The following KCNJ6 variants were observed in gnomAD, a reference collection of about 807,000 sequenced individuals.
KCNJ6 encodes the protein G protein-activated inward rectifier potassium channel 2.
A neutral mutation model predicts 34.2 loss-of-function variants in KCNJ6; 9 were observed. That is an observed-to-expected ratio of 0.26 (90% CI 0.16 to 0.46). The LOEUF is 0.46. Among genes scored for constraint, KCNJ6 ranks in the 20% least tolerant of loss-of-function variants. The probability of loss-of-function intolerance (pLI) is 1.00; values close to 1 mark genes in which losing one functional copy is unlikely to be tolerated. For synonymous variants in KCNJ6, 196 were observed against 207.1 expected, an observed-to-expected ratio of 0.95 and a Z score of 0.46; for missense variants, 236 against 531.3, an observed-to-expected ratio of 0.44 and a Z score of 5.46.
chr21:37,833,311 G>A (rs113681774), intron 2 of KCNJ6, among the ~76,000 whole-genome samples: 4,813 of 152,238 alleles, frequency 0.032, 260 homozygotes, highest in African/African-American at 0.11. Flanking sequence ...CACTGCACCC[G>A]GCTGACTTCT....
At chr21:37,639,212 C>G (rs2054370707) in intron 3 of KCNJ6, among the ~76,000 whole-genome samples, 1 of 152,200 alleles carries the variant, frequency 6.6e-6, no homozygotes, top group South Asian at 2.1e-4. Flanking sequence ...TAAAACCCAC[C>G]CTCCTTTGAT....
intron 1 of KCNJ6, among the ~76,000 whole-genome samples, chr21:37,865,320 A>C (rs1037344950): frequency 7.2e-5 from 11 of 152,242 alleles, no homozygotes; most frequent in African/African-American, 2.4e-4. Context: ...TATACAGAAA[A>C]AAAGTGGAGG....
intron 3 of KCNJ6, among the ~76,000 whole-genome samples, chr21:37,684,440 AT>A (rs1569444924): frequency 2.0e-5 from 3 of 152,088 alleles, no homozygotes; most frequent in African/African-American, 7.2e-5. Flanking sequence ...TACATCTGCA[AT>A]GGGCCTATTT....
intron 2 of KCNJ6, among the ~76,000 whole-genome samples, chr21:37,752,073 G>C (rs928826481): frequency 2.6e-5 from 4 of 152,186 alleles, no homozygotes; most frequent in Admixed American, 2.0e-4. Context: ...GTCAGCCTTT[G>C]ATGACTACTG....
intron 3 of KCNJ6, among the ~76,000 whole-genome samples, chr21:37,667,328 G>C (rs2054519683): frequency 6.6e-6 from 1 of 152,182 alleles, no homozygotes; most frequent in Middle Eastern, 3.4e-3. Flanking sequence ...TACTGTGGGG[G>C]GCGTTTAGCA....
At chr21:37,913,581 A>T (rs577171282) in intron 1 of KCNJ6, among the ~76,000 whole-genome samples, 71 of 152,318 alleles carry the variant, frequency 4.7e-4, no homozygotes, top group African/African-American at 1.7e-3. Flanking sequence ...GCACTCTGGG[A>T]GGCTGAGGCA....
intron 3 of KCNJ6, among the ~76,000 whole-genome samples, chr21:37,658,568 T>G (rs1487811902): frequency 6.6e-6 from 1 of 152,222 alleles, no homozygotes; most frequent in African/African-American, 2.4e-5. Context: ...CTTTTTTTCC[T>G]TTTTTGGCTT....
chr21:37,723,188 C>T (rs537033160), intron 2 of KCNJ6, among the ~76,000 whole-genome samples: 10 of 152,246 alleles, frequency 6.6e-5, no homozygotes, highest in East Asian at 1.9e-4. Flanking sequence ...TTAACATCTC[C>T]GATCATCAGA....
At chr21:37,705,971 G>A (rs991593002) in intron 3 of KCNJ6, among the ~76,000 whole-genome samples, 6 of 152,118 alleles carry the variant, frequency 3.9e-5, no homozygotes, top group African/African-American at 1.4e-4. Flanking sequence ...CAGTCATCCT[G>A]TATATCACAT....
rs1300747925 is a variant in KCNJ6 at position 37,608,582 on chromosome 21, C to G, written c.*16577G>C. ...GAAACTGATCTACTTTCTTTACATT[C>G]CAGCAAATTTGTTGTGCCTGTCCCT... is the stretch of plus-strand genomic sequence containing the variant. On this transcript the variant is annotated 3_prime_UTR_variant, in exon 4 of 4. Coordinates refer to ENST00000609713, the MANE Select transcript of KCNJ6 (RefSeq NM_002240.5). 1 of 152,260 alleles carries G rather than the reference C, an allele frequency of 6.6e-6. No individual in the cohort carries two copies. The highest frequency in any genetic ancestry group is 1.5e-5 in the Non-Finnish European group (1 of 68,052). 9.4% of individuals were successfully genotyped at this position (152,260 alleles called of 1,614,324 possible).
chr21:37,700,362 G>C (rs932412885), intron 3 of KCNJ6, among the ~76,000 whole-genome samples: 1 of 152,164 alleles, frequency 6.6e-6, no homozygotes, highest in African/African-American at 2.4e-5. Context: ...ATAATCCATG[G>C]CATATTCAGG....
intron 3 of KCNJ6, among the ~76,000 whole-genome samples, chr21:37,653,552 G>C (rs542014785): frequency 1.3e-5 from 2 of 152,284 alleles, no homozygotes; most frequent in Admixed American, 1.3e-4. Flanking sequence ...CTTTCTAACT[G>C]TGCTTAAAAA....
intron 2 of KCNJ6, among the ~76,000 whole-genome samples, chr21:37,772,359 C>CAA (rs1279365317): frequency 6.6e-6 from 1 of 152,028 alleles, no homozygotes; most frequent in East Asian, 1.9e-4. Context: ...GATAGAAACA[C>CAA]ACACACACAC....
In KCNJ6 at chr21:37,619,175, G is replaced by T. The variant is rs1451707258; in HGVS notation, c.*5984C>A. The T allele has an allele frequency of 6.6e-6, 1 of 152,070 alleles. No homozygotes were observed. The highest frequency in any genetic ancestry group is 1.9e-4 in the East Asian group (1 of 5,194). 9.4% of individuals were successfully genotyped at this position (152,070 alleles called of 1,614,324 possible). A position where few individuals can be genotyped will look rare whatever the true frequency, so the allele number is the denominator to read the frequency against. Reference sequence around the variant, plus strand: ...GATTTCCAGGAAAGCACTCATAAGAGAACTTGATATGTTTTTCCATAGAAC... The same window carrying T: ...GATTTCCAGGAAAGCACTCATAAGATAACTTGATATGTTTTTCCATAGAAC... On this transcript the variant is annotated 3_prime_UTR_variant, in exon 4 of 4. Coordinates refer to ENST00000609713, the MANE Select transcript of KCNJ6 (RefSeq NM_002240.5).
At chr21:37,848,539 C>T (rs908755965) in intron 1 of KCNJ6, among the ~76,000 whole-genome samples, 1 of 152,158 alleles carries the variant, frequency 6.6e-6, no homozygotes, top group African/African-American at 2.4e-5. Context: ...GTACAGGTCA[C>T]CCTGACTGGT....
chr21:37,688,604 C>T (rs891233257), intron 3 of KCNJ6, among the ~76,000 whole-genome samples: 2 of 152,076 alleles, frequency 1.3e-5, no homozygotes, highest in African/African-American at 2.4e-5. Flanking sequence ...GCCTAACCTT[C>T]GTTTTTCAGC....
chr21:37,912,181 G>A (rs1382484997), intron 1 of KCNJ6, among the ~76,000 whole-genome samples: 1 of 152,176 alleles, frequency 6.6e-6, no homozygotes, highest in African/African-American at 2.4e-5. Context: ...ATGGAACCAA[G>A]TGAATGGGGG....
At chr21:37,665,527 G>A (rs924204865) in intron 3 of KCNJ6, among the ~76,000 whole-genome samples, 29 of 152,150 alleles carry the variant, frequency 1.9e-4, no homozygotes, top group Admixed American at 6.5e-5. Flanking sequence ...TAATTACTCC[G>A]CTGAATTTCT....
chr21:37,715,044 T>TTCA lies in KCNJ6; in HGVS notation c.112_113insTGA (p.Asp38delinsValAsn), dbSNP rs2054782707. On this transcript the variant is annotated protein_altering_variant, in exon 3 of 4. Transcript: ENST00000609713. ...TCGGCTGATGTGTCTTGGCAGGTCATCCCTGGCCTGCTTAGGCAACTTTGG... is the reference window on the plus strand; with the variant it reads ...TCGGCTGATGTGTCTTGGCAGGTCATTCACCCTGGCCTGCTTAGGCAACTTTGG... 6.2e-7 allele frequency: 1 copy of TTCA among 1,614,020 alleles called. No homozygotes were observed.
Sources: gnomAD v4.1 joint callset for allele counts (sites outside exome capture counted in the v4.1 genomes callset) on GRCh38, gnomAD v4.1.1 for gene constraint, MANE v1.5 for transcripts, NCBI Gene and HGNC (gene_info 2026-07-23, HGNC 2026-07-21) for gene names.